The following BCAR3 variants were observed in gnomAD, a reference collection of about 807,000 sequenced individuals.
BCAR3 encodes the protein BCAR3 adaptor protein, NSP family member, also known as breast cancer anti-estrogen resistance protein 3.
A neutral mutation model predicts 80.1 loss-of-function variants in BCAR3; 37 were observed. The ratio of observed to expected loss-of-function variants is 0.46; its 90% CI spans 0.36 to 0.61. The LOEUF (loss-of-function observed/expected upper bound fraction) is 0.61, where lower values mean the gene tolerates loss of function less well. BCAR3 is among the 20% of genes least tolerant of loss of function. The probability of loss-of-function intolerance (pLI) is 0.00; values close to 1 mark genes in which losing one functional copy is unlikely to be tolerated. For missense variants in BCAR3, 978 were observed against 1,068.2 expected (o/e 0.92, Z 1.18); for synonymous variants, 389 against 418.9 (o/e 0.93, Z 0.87).
At chr1:93,603,388 T>A (rs1674680710) in intron 3 of BCAR3, among the ~76,000 whole-genome samples, 1 of 152,236 alleles carries the variant, frequency 6.6e-6, no homozygotes, top group Non-Finnish European at 1.5e-5. Flanking sequence ...TAAAGTGTCC[T>A]GAGGAAAGGG....
chr1:93,726,111 C>T (rs995010435), intron 2 of BCAR3, among the ~76,000 whole-genome samples: 20 of 152,052 alleles, frequency 1.3e-4, no homozygotes, highest in Admixed American at 3.9e-4. Context: ...CAGTTGCCCA[C>T]GCTGGAGTGC....
chr1:93,589,878 CTGAATGATGTAA>C (rs1674100627), intron 4 of BCAR3, among the ~76,000 whole-genome samples: 1 of 152,100 alleles, frequency 6.6e-6, no homozygotes, highest in South Asian at 2.1e-4. Context: ...TTATACAGAC[CTGAATGATGTAA>C]TGAAACAGGA....
At chr1:93,818,654 T>C (rs1654099236) in intron 2 of BCAR3, among the ~76,000 whole-genome samples, 1 of 152,226 alleles carries the variant, frequency 6.6e-6, no homozygotes, top group Admixed American at 6.5e-5. Context: ...ATTTGTTTCA[T>C]TATATGTCAG....
At chr1:93,800,027 T>C (rs1018143079) in intron 2 of BCAR3, among the ~76,000 whole-genome samples, 7 of 152,210 alleles carry the variant, frequency 4.6e-5, no homozygotes, top group African/African-American at 1.4e-4. Flanking sequence ...AAACCTCCAT[T>C]CCTTCCTATT....
In BCAR3 at chr1:93,653,790, A is replaced by T. The variant is rs888015378; in HGVS notation, c.318-11447T>A. Among the ~76,000 whole-genome samples the T allele has an allele frequency of 7.9e-5, 12 of 152,220 alleles. 1 individual carries two copies. Among genetic ancestry groups the T allele is most frequent in the African/African-American group, 2.9e-4 (12 of 41,454 alleles). On this transcript the variant is annotated intron_variant, in intron 2 of 11. Coordinates refer to ENST00000260502, the MANE Select transcript of BCAR3 (RefSeq NM_003567.4). ...ACTTGTTTCAGTGAAGAAGCCCCAC[A>T]TGGGGTAGGTGGTGATGCGAAATGC...
chr1:93,617,205 G>A (rs1675153667), intron 3 of BCAR3, among the ~76,000 whole-genome samples: 1 of 152,230 alleles, frequency 6.6e-6, no homozygotes, highest in Non-Finnish European at 1.5e-5. Flanking sequence ...AAGAGAGTGA[G>A]TGCAGAGTCC....
intron 3 of BCAR3, among the ~76,000 whole-genome samples, chr1:93,609,434 GC>G (rs1674884087): frequency 6.6e-6 from 1 of 152,076 alleles, no homozygotes; most frequent in Admixed American, 6.5e-5. Context: ...CAGAAAGGTG[GC>G]TTTTCCGCCC....
At chr1:93,826,996 C>T (rs565206071) in intron 2 of BCAR3, among the ~76,000 whole-genome samples, 1 of 152,128 alleles carries the variant, frequency 6.6e-6, no homozygotes, top group Non-Finnish European at 1.5e-5. Flanking sequence ...TTGTGGAATA[C>T]CAGGAAGGCC....
intron 4 of BCAR3, 49 bp from the exon 5 acceptor site, chr1:93,589,468 C>G: frequency 6.6e-7 from 1 of 1,504,946 alleles, no homozygotes; most frequent in Non-Finnish European, 9.0e-7. Flanking sequence ...AATTCACATT[C>G]CTTCTAAAAG....
At chr1:93,729,209 T>C (rs1486325572) in intron 2 of BCAR3, among the ~76,000 whole-genome samples, 1 of 152,144 alleles carries the variant, frequency 6.6e-6, no homozygotes, top group African/African-American at 2.4e-5. Flanking sequence ...CTACTGTGAG[T>C]TGAAACTATC....
rs1257894168 is a variant in BCAR3, at chr1:93,823,674, T to C, written c.-63+21893A>G. Among the ~76,000 whole-genome samples, 3 of 134,550 alleles carry C rather than the reference T, an allele frequency of 2.2e-5. 1 individual carries two copies. Among genetic ancestry groups the C allele is most frequent in the East Asian group, 5.8e-4 (2 of 3,456 alleles). 88.3% of individuals were successfully genotyped at this position (134,550 alleles called of 152,430 possible). A position where few individuals can be genotyped will look rare whatever the true frequency, so the allele number is the denominator to read the frequency against. Reference sequence around the variant, plus strand: ...AAACAAAGAGCTTTTTTAACCTACATAGAAAAGTATCTCATTGTTTTTTGT... The same window carrying C: ...AAACAAAGAGCTTTTTTAACCTACACAGAAAAGTATCTCATTGTTTTTTGT... On this transcript the variant is annotated intron_variant, in intron 2 of 13. Coordinates refer to the BCAR3 transcript ENST00000370244.
At position 93,788,429 on chromosome 1, in the gene BCAR3, T is replaced by C. The variant is rs187024818; in HGVS notation, c.-63+57138A>G. On this transcript the variant is annotated intron_variant, in intron 2 of 13. Transcript: ENST00000370244. Reference sequence around the variant, plus strand: ...CTGTGAGATTTATGCTTTAAGGAGATTCTATTTTGGTGTATTGTGAGGTTT... The same window carrying C: ...CTGTGAGATTTATGCTTTAAGGAGACTCTATTTTGGTGTATTGTGAGGTTT... Among the ~76,000 whole-genome samples, 107 of 152,330 alleles carry C rather than the reference T, an allele frequency of 7.0e-4. 3 individuals carry two copies. The East Asian group carries it at 0.019, about 27-fold the overall frequency.
intron 2 of BCAR3, among the ~76,000 whole-genome samples, chr1:93,767,949 T>C (rs1652210578): frequency 6.6e-6 from 1 of 151,618 alleles, no homozygotes. Flanking sequence ...CACATATTTC[T>C]AGTAGTGGAA....
intron 2 of BCAR3, among the ~76,000 whole-genome samples, chr1:93,726,198 T>G (rs1650576312): frequency 6.6e-6 from 1 of 152,040 alleles, no homozygotes; most frequent in African/African-American, 2.4e-5. Context: ...CTGAGTAGCT[T>G]AGACCACAAG....
intron 11 of BCAR3, among the ~76,000 whole-genome samples, chr1:93,566,767 G>A (rs937276088): frequency 2.6e-5 from 4 of 152,164 alleles, no homozygotes; most frequent in Admixed American, 1.3e-4. Context: ...GTTGCCCAGC[G>A]CCCAGGCTGG....
chr1:93,741,449 T>A (rs1651173385), intron 2 of BCAR3, among the ~76,000 whole-genome samples: 1 of 152,186 alleles, frequency 6.6e-6, no homozygotes, highest in African/African-American at 2.4e-5. Flanking sequence ...ACAAAGATGA[T>A]GAAAGTGACT....
chr1:93,750,173 G>T (rs1440161096), intron 2 of BCAR3, among the ~76,000 whole-genome samples: 3 of 152,194 alleles, frequency 2.0e-5, no homozygotes, highest in Non-Finnish European at 4.4e-5. Flanking sequence ...AGCAAACAGA[G>T]TTCTGATCAG....
chr1:93,582,481 G>A lies in BCAR3; in HGVS notation c.1506C>T (p.Gly502=), dbSNP rs778939397. ...AQMEKGQWDK[G]EFVTPLLETV... ...TCTCCAGGAGGGGCGTCACAAACTCGCCCTTGTCCCACTGCCCCTTCTCCA... is the reference window on the plus strand; with the variant it reads ...TCTCCAGGAGGGGCGTCACAAACTCACCCTTGTCCCACTGCCCCTTCTCCA... Residue 502 remains glycine, a synonymous_variant, in exon 7 of 12, where the codon GGC becomes GGT. Transcript: ENST00000260502. 25 of 1,614,112 alleles carry A rather than the reference G, an allele frequency of 1.5e-5. No homozygotes were observed. The highest frequency in any genetic ancestry group is 1.6e-4 in the Middle Eastern group (1 of 6,062).
intron 3 of BCAR3, among the ~76,000 whole-genome samples, chr1:93,615,170 G>T (rs1675074002): frequency 1.3e-5 from 2 of 152,114 alleles, no homozygotes; most frequent in South Asian, 4.1e-4. Flanking sequence ...TAATGAGGAA[G>T]AAACAAGATC....
Sources: allele counts gnomAD v4.1 joint callset (sites outside exome capture counted in the v4.1 genomes callset), GRCh38; gene constraint gnomAD v4.1.1; transcripts MANE v1.5; gene names NCBI Gene and HGNC (gene_info 2026-07-23, HGNC 2026-07-21).